Variants in GRM7 observed in about 807,000 individuals in gnomAD.
GRM7 encodes metabotropic glutamate receptor 7.
GRM7 carries 35 observed loss-of-function variants against 84.5 expected under a neutral mutation model. The ratio of observed to expected loss-of-function variants is 0.41; its 90% CI spans 0.32 to 0.55. The LOEUF (loss-of-function observed/expected upper bound fraction) is 0.55, where lower values mean the gene tolerates loss of function less well. Among genes scored for constraint, GRM7 ranks in the 20% least tolerant of loss-of-function variants. The pLI is 0.19. For synonymous variants in GRM7, 487 were observed against 455.1 expected (o/e 1.07, Z -0.89); for missense variants, 1,003 against 1,194.6 (o/e 0.84, Z 2.36).
At chr3:7,172,056 T>C (rs1281546848) in intron 2 of GRM7, among the ~76,000 whole-genome samples, 1 of 152,228 alleles carries the variant, frequency 6.6e-6, no homozygotes, top group African/African-American at 2.4e-5. Context: ...CATGCTGGCA[T>C]TTGAAATTGT....
chr3:7,488,843 C>G (rs1017653228), intron 7 of GRM7, among the ~76,000 whole-genome samples: 4 of 113,128 alleles, frequency 3.5e-5, no homozygotes, highest in African/African-American at 1.3e-4. Context: ...CTGGAAACCA[C>G]TGATCTAGTA....
intron 7 of GRM7, among the ~76,000 whole-genome samples, chr3:7,475,420 G>C (rs1284701147): frequency 6.6e-6 from 1 of 152,110 alleles, no homozygotes; most frequent in African/African-American, 2.4e-5. Flanking sequence ...ATTGATGTTG[G>C]TAGTCAGTTA....
intron 4 of GRM7, among the ~76,000 whole-genome samples, chr3:7,310,793 G>A (rs1700363289): frequency 6.6e-6 from 1 of 152,032 alleles, no homozygotes; most frequent in South Asian, 2.1e-4. Context: ...AGGGCCTTTT[G>A]TTCCACTTTT....
chr3:7,052,865 G>C (rs551568701), intron 1 of GRM7, among the ~76,000 whole-genome samples: 1 of 151,210 alleles, frequency 6.6e-6, no homozygotes, highest in African/African-American at 2.4e-5. Flanking sequence ...TTATGAACAA[G>C]GCTTTCAGTA....
chr3:7,232,553 G>T (rs1418710144), intron 2 of GRM7, among the ~76,000 whole-genome samples: 1 of 152,146 alleles, frequency 6.6e-6, no homozygotes, highest in Non-Finnish European at 1.5e-5. Context: ...AGATCAGTTT[G>T]TATGATAAGG....
intron 4 of GRM7, among the ~76,000 whole-genome samples, chr3:7,402,200 C>A (rs1490427316): frequency 1.3e-5 from 2 of 152,156 alleles, no homozygotes; most frequent in East Asian, 3.9e-4. Flanking sequence ...TGGTTATTCC[C>A]AGTTTCAGGT....
chr3:7,680,121 A>G lies in GRM7; in HGVS notation c.2524A>G (p.Met842Val), dbSNP rs1700304290. 9 of 1,613,978 alleles carry G rather than the reference A, an allele frequency of 5.6e-6. No homozygotes were observed. Among genetic ancestry groups the G allele is most frequent in the Non-Finnish European group, 6.8e-6 (8 of 1,179,976 alleles). ...ATCAGTGGCGCTGGGGATGCTATAC[A>G]TGCCGAAAGTGTACATCATCATTTT... ...SASVALGMLY[M>V]PKVYIIIFHP... The change falls in exon 9 of 10, where the codon ATG becomes GTG. Residue 842 changes from methionine (M) to valine (V), a missense_variant. Physicochemically the swap from Met to Val is conservative, Grantham distance 21. Coordinates refer to ENST00000357716, the MANE Select transcript of GRM7 (RefSeq NM_000844.4).
intron 1 of GRM7, among the ~76,000 whole-genome samples, chr3:6,865,589 G>A (rs1031243396): frequency 6.6e-6 from 1 of 151,518 alleles, no homozygotes; most frequent in Non-Finnish European, 1.5e-5. Flanking sequence ...GATGGAAAAA[G>A]CGGTCAACTC....
At chr3:6,963,761 G>A (rs969297135) in intron 1 of GRM7, among the ~76,000 whole-genome samples, 2 of 152,074 alleles carry the variant, frequency 1.3e-5, no homozygotes, top group Admixed American at 6.5e-5. Flanking sequence ...TAAAATAGTG[G>A]TGTGACTTAC....
At chr3:7,008,771 A>G (rs1156913008) in intron 1 of GRM7, among the ~76,000 whole-genome samples, 1 of 152,106 alleles carries the variant, frequency 6.6e-6, no homozygotes, top group East Asian at 1.9e-4. Flanking sequence ...CTGTGGTTTT[A>G]TTCTTCCTTT....
chr3:7,489,678 T>C (rs1294455180), intron 7 of GRM7, among the ~76,000 whole-genome samples: 1 of 152,166 alleles, frequency 6.6e-6, no homozygotes, highest in African/African-American at 2.4e-5. Context: ...TGCATAATAT[T>C]GCTTACAATA....
At chr3:7,393,753 G>C (rs536763733) in intron 4 of GRM7, among the ~76,000 whole-genome samples, 1 of 152,246 alleles carries the variant, frequency 6.6e-6, no homozygotes. Context: ...ACTCTTATGT[G>C]TCTCTTATCA....
At chr3:7,429,765 A>G (rs1696754173) in intron 5 of GRM7, among the ~76,000 whole-genome samples, 2 of 152,230 alleles carry the variant, frequency 1.3e-5, no homozygotes, top group South Asian at 4.1e-4. Context: ...ACAATTATAC[A>G]TAGAAGTGGC....
At chr3:7,419,344 C>A (rs1696302843) in intron 5 of GRM7, among the ~76,000 whole-genome samples, 1 of 152,060 alleles carries the variant, frequency 6.6e-6, no homozygotes, top group African/African-American at 2.4e-5. Flanking sequence ...AGTGTGTATC[C>A]AAGGCCCAGT....
At chr3:6,973,232 A>G (rs376362124) in intron 1 of GRM7, among the ~76,000 whole-genome samples, 166 of 152,184 alleles carry the variant, frequency 1.1e-3, no homozygotes, top group Middle Eastern at 0.01. Flanking sequence ...CATCATTATT[A>G]TTGTTATTAT....
At chr3:7,480,120 G>T (rs988520957) in intron 7 of GRM7, among the ~76,000 whole-genome samples, 8 of 152,120 alleles carry the variant, frequency 5.3e-5, no homozygotes, top group Non-Finnish European at 8.8e-5. Flanking sequence ...CAGAAGAAGT[G>T]GGGGAGACAG....
intron 1 of GRM7, among the ~76,000 whole-genome samples, chr3:6,894,969 C>A (rs1167954408): frequency 1.3e-5 from 2 of 152,102 alleles, no homozygotes; most frequent in South Asian, 4.1e-4. Flanking sequence ...TTGCTTTGAT[C>A]CTATAACAAG....
intron 4 of GRM7, among the ~76,000 whole-genome samples, chr3:7,377,789 T>G (rs1694417265): frequency 6.6e-6 from 1 of 152,190 alleles, no homozygotes. Flanking sequence ...ATTATATGAG[T>G]TCAAAATACT....
At chr3:7,597,727 GT>G (rs1017044393) in intron 8 of GRM7, among the ~76,000 whole-genome samples, 1 of 151,914 alleles carries the variant, frequency 6.6e-6, no homozygotes, top group Non-Finnish European at 1.5e-5. Context: ...CTTAAAGTAT[GT>G]TTTTTTGCTA....
Sources: gnomAD v4.1 joint callset for allele counts (sites outside exome capture counted in the v4.1 genomes callset) on GRCh38, gnomAD v4.1.1 for gene constraint, MANE v1.5 for transcripts, NCBI Gene and HGNC (gene_info 2026-07-23, HGNC 2026-07-21) for gene names.